PRDM5: variants seen among roughly 807,000 people sequenced by gnomAD.
The protein encoded by PRDM5 is PR domain zinc finger protein 5.
A neutral mutation model predicts 81.2 loss-of-function variants in PRDM5; 56 were observed. That is an observed-to-expected ratio of 0.69 (90% confidence interval 0.56 to 0.86). The LOEUF (loss-of-function observed/expected upper bound fraction) is 0.86. PRDM5 is among the 40% of genes least tolerant of loss of function. The pLI is 0.00. For missense variants in PRDM5, 697 were observed against 770.1 expected, an observed-to-expected ratio of 0.91 and a Z score of 1.12; for synonymous variants, 267 against 256.4, an observed-to-expected ratio of 1.04 and a Z score of -0.39.
intron 10 of PRDM5, among the ~76,000 whole-genome samples, chr4:120,785,835 A>G (rs950780921): frequency 6.6e-6 from 1 of 152,224 alleles, no homozygotes; most frequent in Middle Eastern, 3.4e-3. Context: ...CCAGGTACAT[A>G]AGAAACAAAA....
chr4:120,785,003 T>C lies in PRDM5; in HGVS notation c.1277A>G (p.His426Arg), dbSNP rs763274308. ...CTGCCTGAATCGTGACTTACTGTTA[T>C]GTATTAGCAGGTGTCTCTGTAAAGA... The part of the protein sequence containing the change: ...PFSLQRHLLI[H>R]NSERTFKCHH... Residue 426 changes from histidine (H) to arginine (R), a missense_variant, in exon 11 of 16, where the codon CAT (histidine) becomes CGT (arginine). His to Arg is a conservative substitution (Grantham distance 29). This residue lies in a region of PRDM5 where 577 missense variants were observed against 606.7 expected (regional missense o/e 0.95). Coordinates refer to ENST00000264808, the MANE Select transcript of PRDM5 (RefSeq NM_018699.4). 1.3e-6 allele frequency: 2 copies of C among 1,590,540 alleles called. No individual in the cohort carries two copies. The highest frequency in any genetic ancestry group is 1.1e-5 in the South Asian group (1 of 90,658).
chr4:120,716,019 T>C (rs142795410), intron 14 of PRDM5, among the ~76,000 whole-genome samples: 8 of 152,272 alleles, frequency 5.3e-5, no homozygotes, highest in Admixed American at 1.3e-4. Context: ...CCTGCTAGTA[T>C]ACTGAGATTC....
chr4:120,843,930 T>C (rs1758345508), intron 3 of PRDM5, among the ~76,000 whole-genome samples: 1 of 152,100 alleles, frequency 6.6e-6, no homozygotes, highest in Non-Finnish European at 1.5e-5. Flanking sequence ...AAGAGAAGAA[T>C]GGCCACAGAG....
intron 15 of PRDM5, among the ~76,000 whole-genome samples, chr4:120,706,645 G>A (rs892439386): frequency 4.6e-5 from 7 of 151,532 alleles, no homozygotes; most frequent in Admixed American, 3.3e-4. Flanking sequence ...GCACAGCCTC[G>A]AATGACTGTG....
At chr4:120,741,857 G>A (rs938363014) in intron 14 of PRDM5, among the ~76,000 whole-genome samples, 17 of 152,180 alleles carry the variant, frequency 1.1e-4, no homozygotes, top group Non-Finnish European at 2.1e-4. Context: ...GGGGAGGGGT[G>A]CCCACCATTG....
intron 3 of PRDM5, among the ~76,000 whole-genome samples, chr4:120,822,509 AT>A (rs1399586240): frequency 1.3e-5 from 2 of 152,120 alleles, no homozygotes; most frequent in Non-Finnish European, 2.9e-5. Flanking sequence ...AGGGGAAGGA[AT>A]AGGAGAGAGG....
intron 13 of PRDM5, among the ~76,000 whole-genome samples, chr4:120,758,531 T>C (rs899773953): frequency 2.0e-5 from 3 of 152,014 alleles, no homozygotes; most frequent in African/African-American, 4.8e-5. Context: ...GAGAATGCCA[T>C]GTGAAGACTG....
intron 13 of PRDM5, among the ~76,000 whole-genome samples, chr4:120,767,878 G>C (rs1746614541): frequency 6.6e-6 from 1 of 152,152 alleles, no homozygotes; most frequent in African/African-American, 2.4e-5. Flanking sequence ...AAAATCTGAT[G>C]GCTTTATAAA....
chr4:120,854,904 C>T (rs914319304), intron 2 of PRDM5, among the ~76,000 whole-genome samples: 5 of 151,690 alleles, frequency 3.3e-5, no homozygotes, highest in East Asian at 1.9e-4. Flanking sequence ...GAAAGGCCTT[C>T]GGTTTGGAAA....
intron 4 of PRDM5, 43 bp from the exon 5 acceptor site, chr4:120,818,570 G>A: frequency 6.4e-7 from 1 of 1,551,076 alleles, no homozygotes; most frequent in East Asian, 2.2e-5. Context: ...CAAAAATTCA[G>A]AGCCAAGAAA....
intron 2 of PRDM5, among the ~76,000 whole-genome samples, chr4:120,872,758 AAAAT>A (rs1761963919): frequency 6.6e-6 from 1 of 152,154 alleles, no homozygotes; most frequent in African/African-American, 2.4e-5. Flanking sequence ...TGTCTCTAAA[AAAAT>A]AAATAACTAA....
chr4:120,899,341 G>A (rs1764995278), intron 2 of PRDM5, among the ~76,000 whole-genome samples: 1 of 152,148 alleles, frequency 6.6e-6, no homozygotes, highest in Non-Finnish European at 1.5e-5. Context: ...CAATTATGCT[G>A]TGAAGTGAGT....
At chr4:120,824,710 A>G (rs1467178838) in intron 3 of PRDM5, among the ~76,000 whole-genome samples, 1 of 152,080 alleles carries the variant, frequency 6.6e-6, no homozygotes, top group Non-Finnish European at 1.5e-5. Flanking sequence ...AGTGTTTGTA[A>G]TATCAAAAAG....
At chr4:120,702,054 T>C (rs13119260) in intron 15 of PRDM5, among the ~76,000 whole-genome samples, 24,107 of 152,202 alleles carry the variant, frequency 0.16, 2,443 homozygotes, top group Non-Finnish European at 0.24. Context: ...GGAATATTAC[T>C]TGCATTTTGC....
intron 14 of PRDM5, among the ~76,000 whole-genome samples, chr4:120,732,347 T>C (rs1487771246): frequency 1.3e-5 from 2 of 152,298 alleles, no homozygotes; most frequent in African/African-American, 2.4e-5. Context: ...ACATCTAATA[T>C]TAAGTAATCA....
chr4:120,732,074 G>T (rs908446974), intron 14 of PRDM5, among the ~76,000 whole-genome samples: 2 of 152,158 alleles, frequency 1.3e-5, no homozygotes, highest in African/African-American at 4.8e-5. Flanking sequence ...ACCATCTCAG[G>T]ATAAGGGTAG....
At chr4:120,690,950 T>A (rs1560861302), downstream of PRDM5, among the ~76,000 whole-genome samples, 1 of 152,086 alleles carries the variant, frequency 6.6e-6, no homozygotes, top group Non-Finnish European at 1.5e-5. Context: ...GTGGCATGGG[T>A]TCAAGGACTA....
At chr4:120,743,375 C>G (rs1242918447) in intron 14 of PRDM5, among the ~76,000 whole-genome samples, 2 of 151,290 alleles carry the variant, frequency 1.3e-5, no homozygotes, top group Non-Finnish European at 3.0e-5. Context: ...CATCAACTAA[C>G]GAGCAAAATA....
At chr4:120,702,572 C>T in intron 15 of PRDM5, among the ~76,000 whole-genome samples, 1 of 152,084 alleles carries the variant, frequency 6.6e-6, no homozygotes. Flanking sequence ...GTAGCCACTA[C>T]ATAAAAATTT....
Sources: allele counts gnomAD v4.1 joint callset (sites outside exome capture counted in the v4.1 genomes callset), GRCh38; gene constraint gnomAD v4.1.1; regional missense constraint gnomAD v4.1.1; transcripts MANE v1.5; gene names NCBI Gene and HGNC (gene_info 2026-07-23, HGNC 2026-07-21).